The following EYA4 variants were observed in gnomAD, a reference collection of about 807,000 sequenced individuals.
The protein encoded by EYA4 is protein phosphatase EYA4.
Under a neutral mutation model 87.9 loss-of-function variants are expected in EYA4, and 31 were observed. The ratio of observed to expected loss-of-function variants is 0.35; its 90% CI spans 0.27 to 0.48. EYA4 has a LOEUF of 0.48. Ranked by LOEUF, EYA4 falls within the 20% of genes least tolerant of loss-of-function variation. The pLI, the probability that EYA4 is intolerant of heterozygous loss-of-function variation, is 0.99. For missense variants in EYA4, 678 were observed against 761.4 expected (o/e 0.89, Z 1.29); for synonymous variants, 263 against 270.6 (o/e 0.97, Z 0.28).
intron 3 of EYA4, among the ~76,000 whole-genome samples, chr6:133,383,968 T>A (rs1161921894): frequency 4.6e-5 from 7 of 152,194 alleles, no homozygotes; most frequent in African/African-American, 1.7e-4. Context: ...ACTTGCTTTT[T>A]AAGGATGATA....
intron 2 of EYA4, among the ~76,000 whole-genome samples, chr6:133,345,832 G>A (rs984210831): frequency 2.0e-5 from 3 of 152,154 alleles, no homozygotes; most frequent in African/African-American, 7.2e-5. Flanking sequence ...TACATTTTGA[G>A]GCATATTTTC....
chr6:133,334,732 A>G lies in EYA4; in HGVS notation c.34-47660A>G, dbSNP rs540227740. 2.0e-5 allele frequency among the ~76,000 whole-genome samples: 3 copies of G among 152,352 alleles called. No individual in the cohort carries two copies. In the East Asian group the frequency reaches 5.8e-4, roughly 29 times the overall value. On this transcript the variant is annotated intron_variant, in intron 2 of 19. Coordinates refer to ENST00000355286, the MANE Select transcript of EYA4 (RefSeq NM_004100.5). ...TTCTTTATAAAATAGACTATTGAAA[A>G]TAAGCCTAATGAAAGCTTATTTTAT...
intron 13 of EYA4, among the ~76,000 whole-genome samples, chr6:133,488,496 T>G (rs1038324496): frequency 7.2e-5 from 11 of 152,108 alleles, no homozygotes; most frequent in Non-Finnish European, 1.2e-4. Context: ...CCCAGGGTGG[T>G]GGTCACAGAG....
At chr6:133,375,474 T>C (rs1379298303) in intron 2 of EYA4, among the ~76,000 whole-genome samples, 1 of 151,970 alleles carries the variant, frequency 6.6e-6, no homozygotes, top group African/African-American at 2.4e-5. Flanking sequence ...ATACCTACTT[T>C]TACATTTTTT....
At chr6:133,443,203 A>T (rs572642379) in intron 3 of EYA4, among the ~76,000 whole-genome samples, 2 of 151,918 alleles carry the variant, frequency 1.3e-5, no homozygotes, top group Admixed American at 6.6e-5. Context: ...TACTAAAAAA[A>T]ATTTTTTTTT....
At chr6:133,376,530 A>G (rs1785697656) in intron 2 of EYA4, among the ~76,000 whole-genome samples, 1 of 151,932 alleles carries the variant, frequency 6.6e-6, no homozygotes, top group African/African-American at 2.4e-5. Context: ...ATTTGTAATC[A>G]GAACTATTCA....
intron 3 of EYA4, among the ~76,000 whole-genome samples, chr6:133,398,958 AAGTGAATTAAGTAAG>A (rs1724048349): frequency 6.6e-6 from 1 of 152,306 alleles, no homozygotes; most frequent in Admixed American, 6.5e-5. Flanking sequence ...ATGTGGACAA[AAGTGAATTAAGTAAG>A]TATAAGATAC....
intron 9 of EYA4, among the ~76,000 whole-genome samples, chr6:133,464,368 T>TA (rs1388204263): frequency 1.3e-5 from 2 of 152,186 alleles, no homozygotes; most frequent in African/African-American, 4.8e-5. Context: ...TTTCCCACGC[T>TA]AAAAACCCTG....
In EYA4 at chr6:133,448,135, C is replaced by G. The variant is rs201644472; in HGVS notation, c.233C>G (p.Thr78Arg). The change falls in exon 5 of 20, where the codon ACA becomes AGA. Residue 78 changes from threonine to arginine, a missense_variant. Transcript: ENST00000355286. ...GGGGAAAACATGACTGTTTTAAACA[C>G]AGCAGACTGGTTGCTGAGTTGCAAC... Reference protein sequence around the residue: ...TGGENMTVLNTADWLLSCNTP... With the variant: ...TGGENMTVLNRADWLLSCNTP... 12 of 1,613,654 alleles carry G rather than the reference C, an allele frequency of 7.4e-6. No individual in the cohort carries two copies. The highest frequency in any genetic ancestry group is 1.3e-5 in the African/African-American group (1 of 74,914).
At chr6:133,509,946 C>T (rs1799000360) in intron 14 of EYA4, among the ~76,000 whole-genome samples, 1 of 152,096 alleles carries the variant, frequency 6.6e-6, no homozygotes, top group Admixed American at 6.5e-5. Flanking sequence ...AATGGAAGTT[C>T]AGGTTTCTTT....
intron 3 of EYA4, among the ~76,000 whole-genome samples, chr6:133,408,681 T>G (rs1788945174): frequency 6.6e-6 from 1 of 152,204 alleles, no homozygotes; most frequent in Non-Finnish European, 1.5e-5. Context: ...CTACCTCATA[T>G]GTTTCCATGA....
chr6:133,354,014 G>A (rs564607351), intron 2 of EYA4, among the ~76,000 whole-genome samples: 2 of 152,270 alleles, frequency 1.3e-5, no homozygotes, highest in East Asian at 3.9e-4. Flanking sequence ...TTTATGATGA[G>A]AATGCTACCT....
At position 133,274,715 on chromosome 6, in the gene EYA4, G is replaced by T. The variant is rs1359979167; in HGVS notation, c.-65-1G>T. The T allele has an allele frequency of 2.3e-6, 3 of 1,317,008 alleles. No individual in the cohort carries two copies. The highest frequency in any genetic ancestry group is 3.3e-6 in the Non-Finnish European group (3 of 909,794). 81.6% of individuals were successfully genotyped at this position (1,317,008 alleles called of 1,614,324 possible). A position where few individuals can be genotyped will look rare whatever the true frequency, so the allele number is the denominator to read the frequency against. On this transcript the variant is annotated splice_acceptor_variant, in intron 1 of 19. Transcript: ENST00000355286. LOFTEE classifies it low-confidence loss of function (5UTR_SPLICE). ...CCTTTGTTTCCATCTTCTTGTTTTA[G>T]ATAGTCATTTTTACTTGAAGGAAGC... is the stretch of plus-strand genomic sequence containing the variant.
intron 3 of EYA4, among the ~76,000 whole-genome samples, chr6:133,398,357 G>C (rs2128508849): frequency 6.6e-6 from 1 of 152,166 alleles, no homozygotes; most frequent in South Asian, 2.1e-4. Context: ...TTCTTATGGG[G>C]GAAAGAATTT....
chr6:133,303,060 C>T (rs182941342), intron 2 of EYA4, among the ~76,000 whole-genome samples: 41 of 152,224 alleles, frequency 2.7e-4, no homozygotes, highest in Admixed American at 6.5e-4. Flanking sequence ...TATTTCCAAA[C>T]GCAAATGACA....
At chr6:133,438,999 A>G (rs1295266724) in intron 3 of EYA4, among the ~76,000 whole-genome samples, 1 of 132,108 alleles carries the variant, frequency 7.6e-6, no homozygotes, top group Non-Finnish European at 1.5e-5. Flanking sequence ...CCAAGATGGC[A>G]CCACTGCACT....
At chr6:133,365,088 G>A (rs1016105146) in intron 2 of EYA4, among the ~76,000 whole-genome samples, 1 of 152,142 alleles carries the variant, frequency 6.6e-6, no homozygotes, top group Non-Finnish European at 1.5e-5. Context: ...CTGGGTGGCA[G>A]CCTGGTCAAA....
In EYA4 at chr6:133,530,596, T is replaced by C. The variant is rs1800953656; in HGVS notation, c.*1791T>C. The stretch of plus-strand genomic sequence containing the variant: ...GGCTTCAATAAAGTCTACATTTTGC[T>C]CACAGATCACAACATTCACTGTGGA... On this transcript the variant is annotated 3_prime_UTR_variant, in exon 20 of 20. Coordinates refer to ENST00000355286, the MANE Select transcript of EYA4 (RefSeq NM_004100.5). 1.0e-6 allele frequency: 1 copy of C among 985,724 alleles called. No individual in the cohort carries two copies. The highest frequency in any genetic ancestry group is 1.2e-6 in the Non-Finnish European group (1 of 829,920). 61.1% of individuals were successfully genotyped at this position (985,724 alleles called of 1,614,324 possible).
intron 2 of EYA4, among the ~76,000 whole-genome samples, chr6:133,370,621 T>G (rs970317098): frequency 2.6e-5 from 4 of 152,218 alleles, no homozygotes; most frequent in Admixed American, 2.6e-4. Flanking sequence ...GATAATAGAT[T>G]ACATTTCACT....
Sources: allele counts gnomAD v4.1 joint callset (sites outside exome capture counted in the v4.1 genomes callset), GRCh38; gene constraint gnomAD v4.1.1; transcripts MANE v1.5; gene names NCBI Gene and HGNC (gene_info 2026-07-23, HGNC 2026-07-21).